DHX9: variants seen among roughly 807,000 people sequenced by gnomAD.
The protein encoded by DHX9 is ATP-dependent RNA helicase A.
In DHX9, 27 loss-of-function variants were observed where a neutral mutation model predicts 148.7. The observed-to-expected ratio is 0.18, with a 90% confidence interval of 0.13 to 0.25. The LOEUF (loss-of-function observed/expected upper bound fraction) is 0.25. DHX9 is among the 10% of genes least tolerant of loss of function. The pLI is 1.00. For missense variants in DHX9, 796 were observed against 1,559.6 expected, an observed-to-expected ratio of 0.51 and a Z score of 8.25; for synonymous variants, 529 against 516.6, an observed-to-expected ratio of 1.02 and a Z score of -0.33.
chr1:182,858,328 A>T, intron 8 of DHX9, 88 bp downstream of exon 8: 1 of 1,465,946 alleles, frequency 6.8e-7, no homozygotes, highest in Non-Finnish European at 9.3e-7. Flanking sequence ...GTTTAATTTT[A>T]AGAATCTTAC....
chr1:182,885,377 A>G (rs1213308200), intron 27 of DHX9, among the ~76,000 whole-genome samples: 1 of 152,230 alleles, frequency 6.6e-6, no homozygotes, highest in Non-Finnish European at 1.5e-5. Context: ...GATACAATGT[A>G]TAGCCATATA....
At chr1:182,882,012 T>C (rs140298132) in intron 24 of DHX9, among the ~76,000 whole-genome samples, 1 of 152,206 alleles carries the variant, frequency 6.6e-6, no homozygotes, top group African/African-American at 2.4e-5. Flanking sequence ...CTTTTCCAAC[T>C]AGGTTAAAAT....
At chr1:182,854,297 G>A (rs1668214275) in intron 6 of DHX9, 119 bp downstream of exon 6, 1 of 934,504 alleles carries the variant, frequency 1.1e-6, no homozygotes, top group Non-Finnish European at 1.5e-6. Flanking sequence ...GAATTGAATT[G>A]TTAAAAGATA....
rs561351093 is a variant in DHX9 at position 182,883,206 on chromosome 1, C to G, written c.2982C>G (p.Leu994=). 1 of 1,614,162 alleles carries G rather than the reference C, an allele frequency of 6.2e-7. No homozygotes were observed. Among genetic ancestry groups the G allele is most frequent in the Admixed American group, 1.7e-5 (1 of 60,020 alleles). The change falls in exon 25 of 28, where the codon CTC becomes CTG. Residue 994 remains leucine, a synonymous_variant. Coordinates refer to ENST00000367549, the MANE Select transcript of DHX9 (RefSeq NM_001357.5). The part of the protein sequence containing the change: ...PDNNLDVVIS[L]LAFGVYPNVC... ...ATAATTTGGATGTTGTTATCTCCCT[C>G]CTGGCCTTTGGTGTGTACCCCAATG...
Position 182,852,250 on chromosome 1 carries a change from A to C in DHX9, c.270A>C (p.Pro90=). The C allele has an allele frequency of 6.2e-7, 1 of 1,610,414 alleles. No homozygotes were observed. The highest frequency in any genetic ancestry group is 8.5e-7 in the Non-Finnish European group (1 of 1,178,616). The change falls in exon 4 of 28, where the codon CCA becomes CCC. Residue 90 remains proline (P), a synonymous_variant. Coordinates refer to ENST00000367549, the MANE Select transcript of DHX9 (RefSeq NM_001357.5). The stretch of plus-strand genomic sequence containing the variant: ...TTTTGCAGGTAGCATCTCCGCCCCC[A>C]CTTACTGATACTCCTGACACTACAG... ...VPAFGVASPP[P]LTDTPDTTAN... is the part of the protein sequence containing the mutation.
At chr1:182,882,446 G>T (rs939143738) in intron 24 of DHX9, among the ~76,000 whole-genome samples, 1 of 152,168 alleles carries the variant, frequency 6.6e-6, no homozygotes, top group South Asian at 2.1e-4. Flanking sequence ...TCCAGTAGGT[G>T]TCCTCTTAGA....
intron 16 of DHX9, among the ~76,000 whole-genome samples, 180 bp from the exon 17 acceptor site, chr1:182,875,870 A>G (rs953500690): frequency 2.0e-5 from 3 of 152,224 alleles, no homozygotes; most frequent in Admixed American, 6.5e-5. Flanking sequence ...AAAGTTCAGT[A>G]TATTGATGTA....
At position 182,879,235 on chromosome 1, in the gene DHX9, C is replaced by A; in HGVS notation, c.2352-15C>A. ...ACACAAGGAGGATGGTTATTTTATG[C>A]TTATTTTCTCTTAGACTTGAAACCC... is the stretch of plus-strand genomic sequence containing the variant. On this transcript the variant is annotated splice_polypyrimidine_tract_variant and intron_variant, in intron 20 of 27. Transcript: ENST00000367549. 6.9e-7 allele frequency: 1 copy of A among 1,440,838 alleles called. No homozygotes were observed. The highest frequency in any genetic ancestry group is 2.1e-5 in the Admixed American group (1 of 48,664). 89.3% of individuals were successfully genotyped at this position (1,440,838 alleles called of 1,614,324 possible).
At chr1:182,841,969 C>T (rs912499365) in intron 1 of DHX9, among the ~76,000 whole-genome samples, 1 of 152,060 alleles carries the variant, frequency 6.6e-6, no homozygotes, top group Non-Finnish European at 1.5e-5. Flanking sequence ...AATACATGGC[C>T]TACAACTTTG....
chr1:182,874,428 A>G (rs1194323866), intron 15 of DHX9, among the ~76,000 whole-genome samples: 1 of 152,324 alleles, frequency 6.6e-6, no homozygotes, highest in Non-Finnish European at 1.5e-5. Flanking sequence ...ATTGATCAAC[A>G]GATCTTCCAG....
At chr1:182,863,754 G>A (rs1380533706) in intron 12 of DHX9, among the ~76,000 whole-genome samples, 1 of 151,844 alleles carries the variant, frequency 6.6e-6, no homozygotes, top group Non-Finnish European at 1.5e-5. Flanking sequence ...TGCCTGTCCT[G>A]TGAATATTTC....
intron 12 of DHX9, among the ~76,000 whole-genome samples, chr1:182,864,447 C>T (rs11803124): frequency 0.078 from 11,907 of 152,168 alleles, 1,237 homozygotes; most frequent in African/African-American, 0.24. Context: ...CGCCTTTGAT[C>T]AATTGGATTA....
chr1:182,839,552 G>T (rs1667873671), intron 1 of DHX9, 96 bp downstream of exon 1: 1 of 152,992 alleles, frequency 6.5e-6, no homozygotes, highest in South Asian at 1.8e-4. Context: ...TGCGAAGCGC[G>T]GGCGGCGGCG....
chr1:182,876,957 C>G (rs1648831099), intron 19 of DHX9, 54 bp downstream of exon 19: 2 of 1,309,944 alleles, frequency 1.5e-6, no homozygotes, highest in Non-Finnish European at 2.2e-6. Flanking sequence ...CTGGAAACTT[C>G]TTACCAGTTA....
At position 182,847,908 on chromosome 1, in the gene DHX9, G is replaced by C. The variant is rs554090183; in HGVS notation, c.253-4325G>C. On this transcript the variant is annotated intron_variant, in intron 3 of 27. Coordinates refer to ENST00000367549, the MANE Select transcript of DHX9 (RefSeq NM_001357.5). ...CCTAAAGTTTATTTTACCTGCAGGA[G>C]GGTCAGTCTTACAGGAACTTACTTG... Among the ~76,000 whole-genome samples the C allele has an allele frequency of 3.9e-5, 6 of 152,266 alleles. No homozygotes were observed. The East Asian group carries it at 1.2e-3, about 29-fold the overall frequency.
At chr1:182,881,451 T>C (rs371772565) in intron 23 of DHX9, 26 bp downstream of exon 23, 1 of 1,610,432 alleles carries the variant, frequency 6.2e-7, no homozygotes, top group Non-Finnish European at 8.5e-7. Flanking sequence ...GGGTGAGCTG[T>C]CTGTAGTTTC....
At chr1:182,884,932 A>G in intron 27 of DHX9, 119 bp downstream of exon 27, 3 of 808,630 alleles carry the variant, frequency 3.7e-6, no homozygotes, top group Non-Finnish European at 6.0e-6. Flanking sequence ...AGATATAGAT[A>G]GAGCTATATA....
chr1:182,870,670 G>A (rs752254595), intron 14 of DHX9, among the ~76,000 whole-genome samples: 2 of 152,098 alleles, frequency 1.3e-5, no homozygotes, highest in Non-Finnish European at 1.5e-5. Flanking sequence ...AACTTTAAAC[G>A]TGTTGACACA....
intron 1 of DHX9, chr1:182,839,827 C>G (rs1398245077): frequency 1.3e-5 from 2 of 152,320 alleles, no homozygotes; most frequent in African/African-American, 4.8e-5. Flanking sequence ...GCCTAGGGCT[C>G]TTCATTCATT....
Sources: gnomAD v4.1 joint callset for allele counts (sites outside exome capture counted in the v4.1 genomes callset) on GRCh38, gnomAD v4.1.1 for gene constraint, MANE v1.5 for transcripts, NCBI Gene and HGNC (gene_info 2026-07-23, HGNC 2026-07-21) for gene names.